SCLT1: variants seen among roughly 807,000 people sequenced by gnomAD.
The protein encoded by SCLT1 is sodium channel-associated protein 1.
SCLT1 carries 78 observed loss-of-function variants against 112.8 expected under a neutral mutation model. The ratio of observed to expected loss-of-function variants is 0.69; its 90% CI spans 0.58 to 0.83. SCLT1 has a LOEUF of 0.83. Among genes scored for constraint, SCLT1 ranks in the 40% least tolerant of loss-of-function variants. SCLT1 has a pLI of 0.00. For missense variants in SCLT1, 747 were observed against 770.4 expected (o/e 0.97, Z 0.36); for synonymous variants, 257 against 254.7 (o/e 1.01, Z -0.09).
chr4:128,957,546 A>G (rs964528917), intron 12 of SCLT1, among the ~76,000 whole-genome samples: 3 of 152,156 alleles, frequency 2.0e-5, no homozygotes, highest in Admixed American at 2.0e-4. Flanking sequence ...TGATCATTGC[A>G]GACACTACTT....
rs370775620 is a variant in SCLT1 at position 129,014,346 on chromosome 4, G to T, written c.291-10470C>A. Among the ~76,000 whole-genome samples, 14 of 152,094 alleles carry T rather than the reference G, an allele frequency of 9.2e-5. No individual in the cohort carries two copies. In the East Asian group the frequency reaches 9.6e-4, roughly 10 times the overall value. On this transcript the variant is annotated intron_variant, in intron 5 of 20. Coordinates refer to ENST00000281142, the MANE Select transcript of SCLT1 (RefSeq NM_144643.4). ...CTTAGTCCAGTTCTGAACCCTTTCTGTATAGGCAATGGGGTAGATTAGAGG... is the reference window on the plus strand; with the variant it reads ...CTTAGTCCAGTTCTGAACCCTTTCTTTATAGGCAATGGGGTAGATTAGAGG...
intron 18 of SCLT1, among the ~76,000 whole-genome samples, chr4:128,919,311 C>A (rs1385877579): frequency 6.6e-6 from 1 of 152,010 alleles, no homozygotes; most frequent in Admixed American, 6.6e-5. Flanking sequence ...ACAACCTGCC[C>A]CTGAATGACT....
chr4:129,031,148 C>G (rs1746684055), intron 5 of SCLT1, among the ~76,000 whole-genome samples: 2 of 152,032 alleles, frequency 1.3e-5, no homozygotes, highest in Admixed American at 1.3e-4. Context: ...GGATACAAGG[C>G]TGGTTCAACG....
At chr4:129,004,364 G>A (rs1232762565) in intron 5 of SCLT1, among the ~76,000 whole-genome samples, 3 of 151,950 alleles carry the variant, frequency 2.0e-5, no homozygotes, top group East Asian at 1.9e-4. Flanking sequence ...GAAAATGGTC[G>A]CTGGCTATAA....
intron 18 of SCLT1, among the ~76,000 whole-genome samples, chr4:128,892,099 A>G (rs898058033): frequency 3.3e-5 from 5 of 152,192 alleles, no homozygotes; most frequent in Admixed American, 2.0e-4. Flanking sequence ...TGTTTTACTC[A>G]TTCATATCAT....
At chr4:128,911,539 T>C (rs1440281516) in intron 18 of SCLT1, among the ~76,000 whole-genome samples, 1 of 152,136 alleles carries the variant, frequency 6.6e-6, no homozygotes, top group Non-Finnish European at 1.5e-5. Context: ...TTAAAAAGCT[T>C]CTGATCCTAA....
At chr4:128,921,578 G>A (rs1735886147) in intron 18 of SCLT1, among the ~76,000 whole-genome samples, 1 of 152,154 alleles carries the variant, frequency 6.6e-6, no homozygotes, top group East Asian at 1.9e-4. Context: ...TCAATAAATG[G>A]TGCTCAGATA....
chr4:129,077,297 T>C (rs1334434182), intron 2 of SCLT1, among the ~76,000 whole-genome samples: 2 of 152,190 alleles, frequency 1.3e-5, no homozygotes, highest in African/African-American at 2.4e-5. Context: ...TCCTGTTGCT[T>C]TGTTTTTCCA....
chr4:128,955,593 C>G (rs1290998824), intron 13 of SCLT1, among the ~76,000 whole-genome samples: 1 of 152,056 alleles, frequency 6.6e-6, no homozygotes, highest in African/African-American at 2.4e-5. Context: ...AAGTTATTCT[C>G]AATTCAACAG....
intron 5 of SCLT1, among the ~76,000 whole-genome samples, chr4:129,024,370 G>A (rs280599): frequency 0.72 from 109,555 of 152,018 alleles, 41,510 homozygotes; most frequent in South Asian, 0.89. Flanking sequence ...GAACGATCAG[G>A]CAGCAGCATT....
chr4:128,980,371 A>G (rs954254099), intron 9 of SCLT1, among the ~76,000 whole-genome samples: 6 of 152,222 alleles, frequency 3.9e-5, no homozygotes, highest in African/African-American at 1.4e-4. Context: ...ATCAGCACAC[A>G]CATTTTTAAA....
chr4:129,057,775 G>A (rs1320645476), intron 2 of SCLT1, among the ~76,000 whole-genome samples: 1 of 150,314 alleles, frequency 6.7e-6, no homozygotes, highest in Non-Finnish European at 1.5e-5. Flanking sequence ...TTTTTGAGAG[G>A]GAGTCTTGCT....
chr4:129,014,171 T>A (rs1744790988), intron 5 of SCLT1, among the ~76,000 whole-genome samples: 1 of 152,182 alleles, frequency 6.6e-6, no homozygotes, highest in Non-Finnish European at 1.5e-5. Context: ...TCAGTTGGTT[T>A]TTTTCTATAC....
chr4:128,946,915 G>C (rs1579462685), intron 15 of SCLT1, among the ~76,000 whole-genome samples: 1 of 152,128 alleles, frequency 6.6e-6, no homozygotes, highest in Non-Finnish European at 1.5e-5. Flanking sequence ...TACAGCACAA[G>C]GTCTGTAACA....
intron 9 of SCLT1, among the ~76,000 whole-genome samples, chr4:128,981,865 GAAT>G (rs1420646197): frequency 6.6e-6 from 1 of 152,164 alleles, no homozygotes; most frequent in Non-Finnish European, 1.5e-5. Context: ...CTGTCAAACT[GAAT>G]AATTTGGATT....
At chr4:128,888,906 C>T (rs1733095913) in intron 19 of SCLT1, 132 bp from the exon 20 acceptor site, 5 of 454,176 alleles carry the variant, frequency 1.1e-5, no homozygotes, top group Non-Finnish European at 1.9e-5. Context: ...TCCAAATTTA[C>T]ATTTTTCAAG....
At chr4:129,083,583 G>C (rs543250054) in intron 1 of SCLT1, among the ~76,000 whole-genome samples, 1 of 152,044 alleles carries the variant, frequency 6.6e-6, no homozygotes, top group Non-Finnish European at 1.5e-5. Context: ...CTGGAGCCTA[G>C]GAGTTTGAGG....
At chr4:129,043,010 T>C (rs956847366) in intron 4 of SCLT1, among the ~76,000 whole-genome samples, 5 of 151,758 alleles carry the variant, frequency 3.3e-5, no homozygotes, top group Admixed American at 3.3e-4. Context: ...GAGTCAGAGG[T>C]TGCAGAGAGC....
intron 16 of SCLT1, among the ~76,000 whole-genome samples, chr4:128,943,540 AC>A (rs1422061115): frequency 6.6e-6 from 1 of 152,166 alleles, no homozygotes; most frequent in Non-Finnish European, 1.5e-5. Context: ...GCGGATAATA[AC>A]CAAAACTCCT....
Sources: allele counts gnomAD v4.1 joint callset (sites outside exome capture counted in the v4.1 genomes callset), GRCh38; gene constraint gnomAD v4.1.1; transcripts MANE v1.5; gene names NCBI Gene and HGNC (gene_info 2026-07-23, HGNC 2026-07-21).